The following PKHD1L1 variants were observed in gnomAD, a reference collection of about 807,000 sequenced individuals.
PKHD1L1 encodes the protein fibrocystin-L.
In PKHD1L1, 434 loss-of-function variants were observed where a neutral mutation model predicts 462.9. That is an observed-to-expected ratio of 0.94 (90% CI 0.87 to 1.02). The LOEUF (loss-of-function observed/expected upper bound fraction) is 1.02, where lower values mean the gene tolerates loss of function less well. PKHD1L1 is among the 50% of genes least tolerant of loss of function. The pLI is 0.00. For synonymous variants in PKHD1L1, 1,781 were observed against 1,750.0 expected (o/e 1.02, Z -0.44); for missense variants, 5,202 against 5,096.1 (o/e 1.02, Z -0.63).
At chr8:109,414,435 G>A (rs1165308234) in intron 21 of PKHD1L1, among the ~76,000 whole-genome samples, 1 of 151,538 alleles carries the variant, frequency 6.6e-6, no homozygotes, top group Non-Finnish European at 1.5e-5. Context: ...TTCATATAAA[G>A]TTTTTCTCAT....
At position 109,477,345 on chromosome 8, in the gene PKHD1L1, T is replaced by A; in HGVS notation, c.9038T>A (p.Val3013Glu). The change falls in exon 53 of 78, where the codon GTA becomes GAA. Residue 3013 changes from valine (V) to glutamate (E), a missense_variant. Coordinates refer to ENST00000378402, the MANE Select transcript of PKHD1L1 (RefSeq NM_177531.6). ...TGTATTCTCCAGGATTGCTTTCCTG[T>A]ACATCCGCCATCAAGAAAACCAATT... is the stretch of plus-strand genomic sequence containing the variant. Reference protein sequence around the residue: ...YCCILQDCFPVHPPSRKPIPK... With the variant: ...YCCILQDCFPEHPPSRKPIPK... 6.2e-7 allele frequency: 1 copy of A among 1,613,434 alleles called. No homozygotes were observed. The highest frequency in any genetic ancestry group is 8.5e-7 in the Non-Finnish European group (1 of 1,179,618).
chr8:109,514,146 T>G (rs1010586896), intron 71 of PKHD1L1, among the ~76,000 whole-genome samples: 1 of 152,088 alleles, frequency 6.6e-6, no homozygotes, highest in Non-Finnish European at 1.5e-5. Context: ...CCAAACATGC[T>G]ACCCTCCCGG....
In PKHD1L1 at chr8:109,364,696, A is replaced by C; in HGVS notation, c.163+60A>C. The stretch of plus-strand genomic sequence containing the variant: ...GTTGAGGTATTTTCAAGCCTATTTC[A>C]TATTTAGAGCTTTATGGACAAACAA... On this transcript the variant is annotated intron_variant, in intron 2 of 77. Transcript: ENST00000378402. 4 of 1,045,536 alleles carry C rather than the reference A, an allele frequency of 3.8e-6. No individual in the cohort carries two copies. The South Asian group carries it at 4.5e-5, about 12-fold the overall frequency. 64.8% of individuals were successfully genotyped at this position (1,045,536 alleles called of 1,614,324 possible).
intron 26 of PKHD1L1, 129 bp from the exon 27 acceptor site, chr8:109,429,802 AC>A (rs1341204954): frequency 2.4e-5 from 17 of 702,456 alleles, no homozygotes; most frequent in Non-Finnish European, 3.9e-5. Context: ...ATATCAAAGT[AC>A]AAAAAATATA....
chr8:109,427,150 T>C lies in PKHD1L1; in HGVS notation c.2994T>C (p.Leu998=), dbSNP rs752503393. Reference sequence around the variant, plus strand: ...GAAGCACCTGCGGAAAGCAGAATCTTCTACAGGTTCCCTCATTTGGCTTGG... The same window carrying C: ...GAAGCACCTGCGGAAAGCAGAATCTCCTACAGGTTCCCTCATTTGGCTTGG... ...KWRSTCGKQN[L]LQINDSNIIG... The change falls in exon 25 of 78, where the codon CTT becomes CTC. Residue 998 remains leucine, a synonymous_variant. Transcript: ENST00000378402. The C allele has an allele frequency of 6.2e-7, 1 of 1,613,044 alleles. No homozygotes were observed. The highest frequency in any genetic ancestry group is 8.5e-7 in the Non-Finnish European group (1 of 1,179,164).
intron 5 of PKHD1L1, among the ~76,000 whole-genome samples, chr8:109,385,158 T>G (rs1275664357): frequency 6.6e-6 from 1 of 151,638 alleles, no homozygotes; most frequent in African/African-American, 2.4e-5. Context: ...TATATAAATT[T>G]TCACCTATTT....
chr8:109,407,456 C>T (rs1445219135), intron 17 of PKHD1L1, among the ~76,000 whole-genome samples: 1 of 151,872 alleles, frequency 6.6e-6, no homozygotes, highest in Non-Finnish European at 1.5e-5. Context: ...AAGACTTTAC[C>T]CAACAAAAAG....
Position 109,477,335 on chromosome 8 carries a change from T to G in PKHD1L1, c.9028T>G (p.Cys3010Gly). Residue 3010 changes from cysteine to glycine, a missense_variant, in exon 53 of 78, where the codon TGC becomes GGC. Transcript: ENST00000378402. ...FQAYCCILQD[C>G]FPVHPPSRKP... ...AGCTTACTGTTGTATTCTCCAGGAT[T>G]GCTTTCCTGTACATCCGCCATCAAG... is the stretch of plus-strand genomic sequence containing the variant. 2 of 1,613,510 alleles carry G rather than the reference T, an allele frequency of 1.2e-6. No individual in the cohort carries two copies. The highest frequency in any genetic ancestry group is 1.7e-6 in the Non-Finnish European group (2 of 1,179,648).
At chr8:109,462,026 C>A in intron 48 of PKHD1L1, 118 bp downstream of exon 48, 3 of 1,211,980 alleles carry the variant, frequency 2.5e-6, no homozygotes, top group Non-Finnish European at 3.3e-6. Context: ...GAGACAGATA[C>A]ATAAGTAAAC....
At position 109,534,551 on chromosome 8, in the gene PKHD1L1, CT is replaced by C. The variant is rs1275931141; in HGVS notation, c.*4466del. Among the ~76,000 whole-genome samples the C allele has an allele frequency of 2.6e-5, 4 of 152,044 alleles. No homozygotes were observed. In the East Asian group the frequency reaches 7.7e-4, roughly 29 times the overall value. ...ACCAAAACAGTGGGAGAGTCTTGCCCTTTTTCTAAGATCATCAGTGGGCATT... is the reference window on the plus strand; with the variant it reads ...ACCAAAACAGTGGGAGAGTCTTGCCCTTTTCTAAGATCATCAGTGGGCATT... On this transcript the variant is annotated 3_prime_UTR_variant, in exon 78 of 78. Transcript: ENST00000378402.
intron 41 of PKHD1L1, among the ~76,000 whole-genome samples, chr8:109,451,653 A>G (rs1465471816): frequency 6.6e-6 from 1 of 152,206 alleles, no homozygotes; most frequent in Non-Finnish European, 1.5e-5. Flanking sequence ...TCAGGTGCGG[A>G]AGGCTGAAGT....
At chr8:109,444,520 C>G in intron 37 of PKHD1L1, 141 bp from the exon 38 acceptor site, 1 of 763,412 alleles carries the variant, frequency 1.3e-6, no homozygotes, top group South Asian at 2.1e-5. Flanking sequence ...TAATCAGCCC[C>G]TCCCAAATTA....
chr8:109,443,780 C>T lies in PKHD1L1; in HGVS notation c.4669C>T (p.Leu1557=). ...CAGGGTTAAAAATTCAAAAAGATTG[C>T]TATTTGAGGTTTCAAGTTGTTTTTC... ...NTRVKNSKRL[L]FEVSSCFSPS... Residue 1557 remains leucine, a synonymous_variant, in exon 37 of 78, where the codon CTA becomes TTA. Coordinates refer to ENST00000378402, the MANE Select transcript of PKHD1L1 (RefSeq NM_177531.6). 6.2e-7 allele frequency: 1 copy of T among 1,613,798 alleles called. No individual in the cohort carries two copies. Among genetic ancestry groups the T allele is most frequent in the Non-Finnish European group, 8.5e-7 (1 of 1,179,770 alleles).
At chr8:109,438,848 G>A (rs1358915202) in intron 31 of PKHD1L1, 49 bp from the exon 32 acceptor site, 2 of 1,347,424 alleles carry the variant, frequency 1.5e-6, no homozygotes, top group Admixed American at 2.3e-5. Flanking sequence ...TTTCACACTG[G>A]ATAACAAGTT....
chr8:109,455,810 T>C (rs1816791321), intron 45 of PKHD1L1, among the ~76,000 whole-genome samples: 1 of 152,158 alleles, frequency 6.6e-6, no homozygotes, highest in East Asian at 1.9e-4. Flanking sequence ...ACCATAAACA[T>C]GATACCTTAT....
At position 109,533,979 on chromosome 8, in the gene PKHD1L1, G is replaced by A. The variant is rs546355001; in HGVS notation, c.*3889G>A. On this transcript the variant is annotated 3_prime_UTR_variant, in exon 78 of 78. Coordinates refer to ENST00000378402, the MANE Select transcript of PKHD1L1 (RefSeq NM_177531.6). Reference sequence around the variant, plus strand: ...CCCTATACCAGCCCTTGCTCCTTTAGGGTTTCATTGTTATTTGGTGGTTAT... The same window carrying A: ...CCCTATACCAGCCCTTGCTCCTTTAAGGTTTCATTGTTATTTGGTGGTTAT... 1.3e-5 allele frequency among the ~76,000 whole-genome samples: 2 copies of A among 152,268 alleles called. No individual in the cohort carries two copies. Among genetic ancestry groups the A allele is most frequent in the East Asian group, 3.9e-4 (2 of 5,184 alleles).
chr8:109,410,973 C>G (rs181499529), intron 19 of PKHD1L1, among the ~76,000 whole-genome samples: 1 of 151,770 alleles, frequency 6.6e-6, no homozygotes, highest in Non-Finnish European at 1.5e-5. Context: ...GTGATCCGCA[C>G]GTCTTGGCCT....
chr8:109,475,366 C>G (rs944449133), intron 51 of PKHD1L1, 97 bp downstream of exon 51: 1 of 1,010,628 alleles, frequency 9.9e-7, no homozygotes, highest in African/African-American at 1.7e-5. Context: ...GCCAGAGGGA[C>G]TTTCATCACA....
chr8:109,471,191 T>C, intron 50 of PKHD1L1: 1 of 1,020,476 alleles, frequency 9.8e-7, no homozygotes, highest in South Asian at 2.4e-5. Context: ...AGTGTTTAAG[T>C]CATTTTTTAC....
Sources: gnomAD v4.1 joint callset for allele counts (sites outside exome capture counted in the v4.1 genomes callset) on GRCh38, gnomAD v4.1.1 for gene constraint, MANE v1.5 for transcripts, NCBI Gene and HGNC (gene_info 2026-07-23, HGNC 2026-07-21) for gene names.